PAXIP1: variants seen among roughly 807,000 people sequenced by gnomAD.
PAXIP1 encodes PAX interacting protein 1.
In PAXIP1, 19 loss-of-function variants were observed where a neutral mutation model predicts 140.6. The observed-to-expected ratio is 0.14, with a 90% confidence interval of 0.09 to 0.20. PAXIP1 has a LOEUF of 0.20. Among genes scored for constraint, PAXIP1 ranks in the 10% least tolerant of loss-of-function variants. The probability of loss-of-function intolerance (pLI) is 1.00; values close to 1 mark genes in which losing one functional copy is unlikely to be tolerated. For synonymous variants in PAXIP1, 442 were observed against 444.6 expected, an observed-to-expected ratio of 0.99 and a Z score of 0.07; for missense variants, 920 against 1,208.6, an observed-to-expected ratio of 0.76 and a Z score of 3.54.
intron 6 of PAXIP1, among the ~76,000 whole-genome samples, chr7:154,975,156 C>CAAAAAAAAAAA (rs61595965): frequency 2.8e-5 from 3 of 106,886 alleles, no homozygotes; most frequent in Non-Finnish European, 5.7e-5. Context: ...GACTCCATCT[C>CAAAAAAAAAAA]AAAAAAAAAA....
At chr7:154,959,361 G>A (rs192904612) in intron 13 of PAXIP1, among the ~76,000 whole-genome samples, 3 of 152,292 alleles carry the variant, frequency 2.0e-5, no homozygotes, top group East Asian at 1.9e-4. Flanking sequence ...ATGTTCAGTC[G>A]AACAGTGAGA....
chr7:154,986,000 T>G, intron 4 of PAXIP1: 2 of 1,364,590 alleles, frequency 1.5e-6, no homozygotes, highest in Non-Finnish European at 2.0e-6. Context: ...ACTCTTGACC[T>G]ATTCCCCAAA....
At chr7:154,999,590 G>C (rs1810793853) in intron 1 of PAXIP1, among the ~76,000 whole-genome samples, 1 of 152,204 alleles carries the variant, frequency 6.6e-6, no homozygotes, top group Non-Finnish European at 1.5e-5. Flanking sequence ...GCAAGCCTTG[G>C]TGTCTGGAAG....
chr7:154,997,655 C>A (rs566143665), intron 2 of PAXIP1, among the ~76,000 whole-genome samples: 1 of 152,304 alleles, frequency 6.6e-6, no homozygotes, highest in East Asian at 1.9e-4. Flanking sequence ...AACTTATCAG[C>A]CATAACATAA....
chr7:154,985,284 A>G (rs1356711706), intron 4 of PAXIP1, among the ~76,000 whole-genome samples: 1 of 152,190 alleles, frequency 6.6e-6, no homozygotes, highest in African/African-American at 2.4e-5. Context: ...TCTTTTTTAA[A>G]AACCATCTTT....
At position 154,983,546 on chromosome 7, in the gene PAXIP1, T is replaced by G. The variant is rs376662000; in HGVS notation, c.325-214A>C. On this transcript the variant is annotated intron_variant, in intron 4 of 20. Transcript: ENST00000404141. ...AATAGTTTTACATATATGAATTACT[T>G]ATTTTTGCCTTGTCACCAAATGAAT... The G allele has an allele frequency of 4.3e-5, 16 of 372,840 alleles. No individual in the cohort carries two copies. In the South Asian group the frequency reaches 8.1e-4, roughly 19 times the overall value. 23.1% of individuals were successfully genotyped at this position (372,840 alleles called of 1,614,324 possible). A position where few individuals can be genotyped will look rare whatever the true frequency, so the allele number is the denominator to read the frequency against.
intron 5 of PAXIP1, among the ~76,000 whole-genome samples, chr7:154,976,792 T>C (rs1377700661): frequency 6.6e-6 from 1 of 152,216 alleles, no homozygotes; most frequent in Admixed American, 6.5e-5. Flanking sequence ...CTTGGCTGAC[T>C]TGCATAGGAC....
chr7:154,962,558 A>C, intron 9 of PAXIP1, 100 bp from the exon 10 acceptor site: 1 of 1,022,302 alleles, frequency 9.8e-7, no homozygotes, highest in Admixed American at 2.8e-5. Flanking sequence ...TTTCATTGGA[A>C]GCCCCATAAA....
chr7:154,967,855 C>G lies in PAXIP1; in HGVS notation c.1854G>C (p.Glu618Asp). Residue 618 changes from glutamate to aspartate, a missense_variant, in exon 8 of 21, where the codon GAG becomes GAC. Around this residue, in one of 5 missense-constraint regions of PAXIP1, gnomAD observed 62 missense variants for 69.0 expected, o/e 0.90. Transcript: ENST00000404141. ...GCVFAIADYPEQMSDKQLLAT... is the reference protein window; with the variant it reads ...GCVFAIADYPDQMSDKQLLAT... ...CCAGCAGTTGCTTATCAGACATCTGCTCTGGATAATCCGCAATTGCAAACA... is the reference window on the plus strand; with the variant it reads ...CCAGCAGTTGCTTATCAGACATCTGGTCTGGATAATCCGCAATTGCAAACA... 6.2e-7 allele frequency: 1 copy of G among 1,613,874 alleles called. No homozygotes were observed. Among genetic ancestry groups the G allele is most frequent in the Non-Finnish European group, 8.5e-7 (1 of 1,179,794 alleles).
intron 4 of PAXIP1, chr7:154,985,874 T>C (rs558582423): frequency 4.1e-6 from 2 of 493,172 alleles, no homozygotes; most frequent in South Asian, 1.9e-5. Flanking sequence ...CAGCACCTAG[T>C]ACAGTGCAAG....
intron 20 of PAXIP1, chr7:154,945,989 A>G: frequency 1.0e-6 from 1 of 985,044 alleles, no homozygotes; most frequent in Non-Finnish European, 1.2e-6. Context: ...TACAAAGACT[A>G]TATACGAACT....
chr7:154,949,346 CAG>C (rs1241916625), intron 16 of PAXIP1: 1 of 152,116 alleles, frequency 6.6e-6, no homozygotes, highest in African/African-American at 2.4e-5. Context: ...CACATCATGA[CAG>C]AAATGCAGGG....
At chr7:154,994,521 T>G (rs1400970984) in intron 2 of PAXIP1, among the ~76,000 whole-genome samples, 2 of 152,172 alleles carry the variant, frequency 1.3e-5, no homozygotes, top group African/African-American at 4.8e-5. Context: ...TGAGAATCTA[T>G]TTTATGCAGA....
chr7:154,979,673 T>G (rs953040331), intron 5 of PAXIP1, among the ~76,000 whole-genome samples: 4 of 150,618 alleles, frequency 2.7e-5, no homozygotes, highest in Non-Finnish European at 5.9e-5. Flanking sequence ...TAAATAATAA[T>G]TAATATAATT....
At chr7:154,991,093 CAATGA>C (rs1563388393) in intron 3 of PAXIP1, 24 bp from the exon 4 acceptor site, 1 of 1,321,078 alleles carries the variant, frequency 7.6e-7, no homozygotes, top group East Asian at 2.6e-5. Context: ...ATTAAGATTA[CAATGA>C]AATAAGATTA....
intron 5 of PAXIP1, among the ~76,000 whole-genome samples, chr7:154,977,007 A>G (rs1053166390): frequency 6.6e-6 from 1 of 152,224 alleles, no homozygotes. Context: ...TCTCATCAAC[A>G]TAAGCTGGAG....
At chr7:154,958,131 C>T (rs1044747896) in intron 13 of PAXIP1, among the ~76,000 whole-genome samples, 2 of 152,124 alleles carry the variant, frequency 1.3e-5, no homozygotes, top group Admixed American at 6.5e-5. Context: ...AGACAAGGTA[C>T]CAAAACCTAC....
intron 2 of PAXIP1, among the ~76,000 whole-genome samples, chr7:154,996,306 T>C (rs1810607496): frequency 6.6e-6 from 1 of 152,148 alleles, no homozygotes; most frequent in Admixed American, 6.5e-5. Flanking sequence ...ACAGGTGCTG[T>C]CAAAAATTAC....
chr7:154,953,412 CCA>C (rs1236052830), intron 16 of PAXIP1, among the ~76,000 whole-genome samples: 1 of 152,070 alleles, frequency 6.6e-6, no homozygotes, highest in Non-Finnish European at 1.5e-5. Flanking sequence ...AGTTTTAGTG[CCA>C]GTGTGGTTGG....
Sources: gnomAD v4.1 joint callset for allele counts (sites outside exome capture counted in the v4.1 genomes callset) on GRCh38, gnomAD v4.1.1 for gene constraint, gnomAD v4.1.1 regional missense constraint, MANE v1.5 for transcripts, NCBI Gene and HGNC (gene_info 2026-07-23, HGNC 2026-07-21) for gene names.